TRMT1L: variants seen among roughly 807,000 people sequenced by gnomAD.
The protein encoded by TRMT1L is tRNA methyltransferase 1L.
A neutral mutation model predicts 81.6 loss-of-function variants in TRMT1L; 28 were observed. The observed-to-expected ratio is 0.34, with a 90% CI of 0.25 to 0.47. The LOEUF (loss-of-function observed/expected upper bound fraction) is 0.47. TRMT1L is among the 20% of genes least tolerant of loss of function. The probability of loss-of-function intolerance (pLI) is 1.00; values close to 1 mark genes in which losing one functional copy is unlikely to be tolerated. For missense variants in TRMT1L, 739 were observed against 877.1 expected, an observed-to-expected ratio of 0.84 and a Z score of 1.99; for synonymous variants, 301 against 303.2, an observed-to-expected ratio of 0.99 and a Z score of 0.07.
intron 2 of TRMT1L, 71 bp from the exon 3 acceptor site, chr1:185,150,563 A>G (rs1002155994): frequency 9.3e-7 from 1 of 1,077,400 alleles, no homozygotes; most frequent in Non-Finnish European, 1.4e-6. Flanking sequence ...AACTACAAAG[A>G]GGTTAATGGG....
chr1:185,142,387 C>T (rs952146714), intron 7 of TRMT1L, among the ~76,000 whole-genome samples: 1 of 152,166 alleles, frequency 6.6e-6, no homozygotes, highest in Non-Finnish European at 1.5e-5. Context: ...CATGCTTTCA[C>T]TCCTTTGGCA....
rs1309284266 is a variant in TRMT1L, at chr1:185,123,862, G to A, written c.1817C>T (p.Ala606Val). The change falls in exon 13 of 15, where the codon GCA becomes GTA. Residue 606 changes from alanine to valine, a missense_variant. Transcript: ENST00000367506. ...TDDTTTDNYI[A>V]QGKRKSNEMI... ...ACACATATATGCATACATACCTTGT[G>A]CAATGTAATTATCTGTTGTGGTGTC... 4 of 1,507,224 alleles carry A rather than the reference G, an allele frequency of 2.7e-6. No homozygotes were observed. The highest frequency in any genetic ancestry group is 2.4e-5 in the Admixed American group (1 of 41,448). 93.4% of individuals were successfully genotyped at this position (1,507,224 alleles called of 1,614,324 possible). A position where few individuals can be genotyped will look rare whatever the true frequency, so the allele number is the denominator to read the frequency against.
chr1:185,141,238 AT>A (rs1653034737), intron 7 of TRMT1L, among the ~76,000 whole-genome samples: 2 of 152,062 alleles, frequency 1.3e-5, no homozygotes, highest in African/African-American at 4.8e-5. Context: ...ACATATACGC[AT>A]TTTTCATATT....
At chr1:185,153,156 C>T (rs1193269935) in intron 1 of TRMT1L, among the ~76,000 whole-genome samples, 1 of 151,912 alleles carries the variant, frequency 6.6e-6, no homozygotes, top group Non-Finnish European at 1.5e-5. Context: ...CATATTTGTC[C>T]CACTAATGCA....
At chr1:185,150,015 AT>A (rs2102257760) in intron 3 of TRMT1L, among the ~76,000 whole-genome samples, 1 of 152,258 alleles carries the variant, frequency 6.6e-6, no homozygotes, top group Admixed American at 6.5e-5. Context: ...GTATTTTCCA[AT>A]ATTCATACAA....
At chr1:185,140,371 T>A in intron 7 of TRMT1L, 149 bp from the exon 8 acceptor site, 1 of 696,896 alleles carries the variant, frequency 1.4e-6, no homozygotes, top group East Asian at 2.9e-5. Flanking sequence ...ACAAAGCTTC[T>A]CAAGAAAGGT....
chr1:185,156,330 C>T, intron 1 of TRMT1L, 148 bp downstream of exon 1: 1 of 1,557,496 alleles, frequency 6.4e-7, no homozygotes, highest in Middle Eastern at 1.7e-4. Context: ...CTGCTTTAGC[C>T]GCTACACGGG....
chr1:185,155,064 T>C (rs2102263696), intron 1 of TRMT1L, among the ~76,000 whole-genome samples: 1 of 152,378 alleles, frequency 6.6e-6, no homozygotes, highest in African/African-American at 2.4e-5. Flanking sequence ...GTATTAGTTC[T>C]AATGCATTTC....
In TRMT1L at chr1:185,140,301, T is replaced by C. The variant is rs189401484; in HGVS notation, c.860-79A>G. 1.6e-4 allele frequency: 186 copies of C among 1,131,786 alleles called. 1 individual carries two copies. Among genetic ancestry groups the C allele is most frequent in the South Asian group, 1.3e-3 (76 of 58,916 alleles). The allele number at this position is 1,131,786 out of a possible 1,614,324, so 70.1% of individuals were successfully genotyped here. On this transcript the variant is annotated intron_variant, in intron 7 of 14. Coordinates refer to ENST00000367506, the MANE Select transcript of TRMT1L (RefSeq NM_030934.5). ...TAAAAATGGTATAACAACATTCAGTTTTATAAATAACAAATTATTTCAAAA... is the reference window on the plus strand; with the variant it reads ...TAAAAATGGTATAACAACATTCAGTCTTATAAATAACAAATTATTTCAAAA...
intron 7 of TRMT1L, among the ~76,000 whole-genome samples, chr1:185,142,770 C>A (rs1304004041): frequency 1.3e-5 from 2 of 151,772 alleles, no homozygotes; most frequent in Non-Finnish European, 2.9e-5. Context: ...ATCTAGACTG[C>A]GGGAAACTCT....
rs776486368 is a variant in TRMT1L, at chr1:185,151,833, A to G, written c.338T>C (p.Leu113Pro). ...DSASSLNSDN[L>P]DAGNRQACPL... ...CCCAAACATGGAAATACCTGCATCAAGATTATCTGAGTTCAATGAGCTGGC... is the reference window on the plus strand; with the variant it reads ...CCCAAACATGGAAATACCTGCATCAGGATTATCTGAGTTCAATGAGCTGGC... Residue 113 changes from leucine (L) to proline (P), a missense_variant, in exon 2 of 15, where the codon CTT (leucine) becomes CCT (proline). Coordinates refer to ENST00000367506, the MANE Select transcript of TRMT1L (RefSeq NM_030934.5). 6.4e-7 allele frequency: 1 copy of G among 1,571,952 alleles called. No individual in the cohort carries two copies. The highest frequency in any genetic ancestry group is 1.2e-5 in the South Asian group (1 of 83,384).
Position 185,120,088 on chromosome 1 carries a change from A to T in TRMT1L, c.2133T>A (p.Asp711Glu), listed in dbSNP as rs771737496. ...SESHVQSASE[D>E]TVTERVEMSV... ...ACATTTCAACTCTTTCAGTTACTGTATCTTCAGATGCTGACTGGACATGGC... is the reference window on the plus strand; with the variant it reads ...ACATTTCAACTCTTTCAGTTACTGTTTCTTCAGATGCTGACTGGACATGGC... Residue 711 changes from aspartate (D) to glutamate (E), a missense_variant, in exon 15 of 15, where the codon GAT (aspartate) becomes GAA (glutamate). By Grantham distance (45) the Asp-to-Glu change is conservative (BLOSUM62 2). Around this residue, in one of 4 missense-constraint regions of TRMT1L, gnomAD observed 196 missense variants for 232.6 expected, o/e 0.84. Transcript: ENST00000367506. 3 of 1,613,884 alleles carry T rather than the reference A, an allele frequency of 1.9e-6. No individual in the cohort carries two copies. The Admixed American group carries it at 5.0e-5, about 27-fold the overall frequency.
At chr1:185,130,155 G>C (rs1015380593) in intron 10 of TRMT1L, among the ~76,000 whole-genome samples, 2 of 152,158 alleles carry the variant, frequency 1.3e-5, no homozygotes, top group African/African-American at 4.8e-5. Flanking sequence ...GAGGGCCAAG[G>C]CTATCAATTC....
intron 10 of TRMT1L, among the ~76,000 whole-genome samples, chr1:185,128,955 CATAT>C (rs1034612177): frequency 6.6e-6 from 1 of 151,828 alleles, no homozygotes; most frequent in African/African-American, 2.4e-5. Context: ...CACACACACA[CATAT>C]ATATATTTTT....
chr1:185,123,483 A>G (rs530199140), intron 13 of TRMT1L, among the ~76,000 whole-genome samples: 1 of 152,272 alleles, frequency 6.6e-6, no homozygotes, highest in Admixed American at 6.5e-5. Flanking sequence ...TCTTCTGGTT[A>G]CTTAAATGGA....
chr1:185,144,347 G>A (rs1653129402), intron 5 of TRMT1L, among the ~76,000 whole-genome samples: 1 of 151,822 alleles, frequency 6.6e-6, no homozygotes, highest in Non-Finnish European at 1.5e-5. Context: ...AATCACCCTA[G>A]GAAAGCACAA....
Position 185,147,243 on chromosome 1 carries a change from T to C in TRMT1L, c.464A>G (p.Tyr155Cys). 1 of 1,603,650 alleles carries C rather than the reference T, an allele frequency of 6.2e-7. No individual in the cohort carries two copies. The highest frequency in any genetic ancestry group is 1.3e-5 in the African/African-American group (1 of 74,726). ...HWKVSVEFEG[Y>C]RMCICHLPCR... ...AGGTAAGTGACAGATGCACATCCTG[T>C]AACCTAAAATAAAGAATGGCTGGTT... is the stretch of plus-strand genomic sequence containing the variant. Residue 155 changes from tyrosine to cysteine, a missense_variant, in exon 4 of 15, where the codon TAC (tyrosine) becomes TGC (cysteine). Around this residue, in one of 4 missense-constraint regions of TRMT1L, gnomAD observed 331 missense variants for 462.2 expected, o/e 0.72. Transcript: ENST00000367506.
intron 10 of TRMT1L, 118 bp from the exon 11 acceptor site, chr1:185,128,865 G>T: frequency 1.2e-6 from 1 of 844,792 alleles, no homozygotes; most frequent in Non-Finnish European, 1.9e-6. Flanking sequence ...TATGTGCCAG[G>T]TATTATGCTA....
At position 185,123,880 on chromosome 1, in the gene TRMT1L, G is replaced by C; in HGVS notation, c.1799C>G (p.Thr600Arg). The change falls in exon 13 of 15, where the codon ACA becomes AGA. Residue 600 changes from threonine to arginine, a missense_variant. Physicochemically the swap from Thr to Arg is moderately conservative, Grantham distance 71. Coordinates refer to ENST00000367506, the MANE Select transcript of TRMT1L (RefSeq NM_030934.5). ...GVFIKTTDDTTTDNYIAQGKR... is the reference protein window; with the variant it reads ...GVFIKTTDDTRTDNYIAQGKR... ...ACCTTGTGCAATGTAATTATCTGTT[G>C]TGGTGTCATCTGTAGTTTTAATAAA... is the stretch of plus-strand genomic sequence containing the variant. The C allele has an allele frequency of 6.6e-7, 1 of 1,514,766 alleles. No individual in the cohort carries two copies. The highest frequency in any genetic ancestry group is 8.8e-7 in the Non-Finnish European group (1 of 1,130,826). The allele number at this position is 1,514,766 out of a possible 1,614,324, so 93.8% of individuals were successfully genotyped here. A position where few individuals can be genotyped will look rare whatever the true frequency, so the allele number is the denominator to read the frequency against.
Sources: allele counts gnomAD v4.1 joint callset (sites outside exome capture counted in the v4.1 genomes callset), GRCh38; gene constraint gnomAD v4.1.1; regional missense constraint gnomAD v4.1.1; transcripts MANE v1.5; gene names NCBI Gene and HGNC (gene_info 2026-07-23, HGNC 2026-07-21).